SEMA6D: variants seen among roughly 807,000 people sequenced by gnomAD.
SEMA6D encodes semaphorin-6D.
SEMA6D carries 35 observed loss-of-function variants against 106.6 expected under a neutral mutation model. The ratio of observed to expected loss-of-function variants is 0.33; its 90% CI spans 0.25 to 0.44. SEMA6D has a LOEUF of 0.44. Ranked by LOEUF, SEMA6D falls within the 20% of genes least tolerant of loss-of-function variation. The pLI is 1.00. For synonymous variants in SEMA6D, 499 were observed against 487.7 expected, an observed-to-expected ratio of 1.02 and a Z score of -0.31; for missense variants, 1,185 against 1,345.9, an observed-to-expected ratio of 0.88 and a Z score of 1.87.
chr15:47,586,888 GTT>G (rs35584206), intron 3 of SEMA6D, among the ~76,000 whole-genome samples: 1 of 122,842 alleles, frequency 8.1e-6, no homozygotes, highest in Non-Finnish European at 1.6e-5. Flanking sequence ...AATTTGACAG[GTT>G]TTTTTTTTTT....
At chr15:47,309,048 TTATAATTAG>T in intron 1 of SEMA6D, among the ~76,000 whole-genome samples, 1 of 152,188 alleles carries the variant, frequency 6.6e-6, no homozygotes, top group Admixed American at 6.5e-5. Context: ...AGAGATGTGC[TTATAATTAG>T]AAAGTGCAGA....
At chr15:47,577,232 T>G (rs1456129181) in intron 3 of SEMA6D, among the ~76,000 whole-genome samples, 2 of 152,250 alleles carry the variant, frequency 1.3e-5, no homozygotes, top group Non-Finnish European at 2.9e-5. Context: ...ATATTTTGAC[T>G]TTAACAGCAA....
At chr15:47,368,238 A>G (rs1324312925) in intron 1 of SEMA6D, among the ~76,000 whole-genome samples, 1 of 152,254 alleles carries the variant, frequency 6.6e-6, no homozygotes, top group Non-Finnish European at 1.5e-5. Flanking sequence ...TCAGGGAGGC[A>G]GCTGGATGAG....
chr15:47,393,250 G>C (rs1486014536), intron 1 of SEMA6D: 1 of 152,174 alleles, frequency 6.6e-6, no homozygotes, highest in Non-Finnish European at 1.5e-5. Flanking sequence ...TGTCTACAGA[G>C]AGTTTTCTTG....
intron 1 of SEMA6D, among the ~76,000 whole-genome samples, chr15:47,216,072 A>C (rs2030565540): frequency 6.6e-6 from 1 of 152,208 alleles, no homozygotes; most frequent in Non-Finnish European, 1.5e-5. Context: ...TATGTAACTT[A>C]CAACTTTGAA....
rs1300256653 is a variant in SEMA6D at position 47,210,704 on chromosome 15, G to GCAGTGGTGCTAT, written c.-239+26291_-239+26292insGTGCTATCAGTG. On this transcript the variant is annotated intron_variant, in intron 1 of 19. Transcript: ENST00000558014. ...CTCTTGAACCTGGGAGGTGGATGTT[G>GCAGTGGTGCTAT]CAGTGAGCCGAGATAGCACCACTGC... Among the ~76,000 whole-genome samples, 22 of 144,394 alleles carry GCAGTGGTGCTAT rather than the reference G, an allele frequency of 1.5e-4. No homozygotes were observed. The Admixed American group carries it at 1.6e-3, about 11-fold the overall frequency. The allele number at this position is 144,394 out of a possible 152,430, so 94.7% of individuals were successfully genotyped here.
At chr15:47,579,672 T>G (rs1220724640) in intron 3 of SEMA6D, among the ~76,000 whole-genome samples, 1 of 152,178 alleles carries the variant, frequency 6.6e-6, no homozygotes, top group African/African-American at 2.4e-5. Flanking sequence ...ACATAGTAAT[T>G]ACATGTTCCT....
At chr15:47,683,760 A>G (rs1254017385) in intron 4 of SEMA6D, among the ~76,000 whole-genome samples, 1 of 152,230 alleles carries the variant, frequency 6.6e-6, no homozygotes. Flanking sequence ...CAGCACATGA[A>G]TGATTCCTAT....
At chr15:47,386,161 G>A (rs2039832251) in intron 1 of SEMA6D, among the ~76,000 whole-genome samples, 1 of 152,066 alleles carries the variant, frequency 6.6e-6, no homozygotes, top group Non-Finnish European at 1.5e-5. Context: ...ACATCTGGTA[G>A]AAGAGATAAA....
intron 1 of SEMA6D, among the ~76,000 whole-genome samples, chr15:47,334,797 C>T (rs1022136089): frequency 6.6e-6 from 1 of 152,116 alleles, no homozygotes; most frequent in African/African-American, 2.4e-5. Flanking sequence ...CATTCCATTA[C>T]TAAAGGTAAA....
intron 4 of SEMA6D, among the ~76,000 whole-genome samples, chr15:47,621,028 C>T (rs1359325511): frequency 6.6e-6 from 1 of 152,066 alleles, no homozygotes; most frequent in Non-Finnish European, 1.5e-5. Flanking sequence ...GTTGCATACA[C>T]AACGGGCATA....
chr15:47,615,140 C>T (rs748493506), intron 4 of SEMA6D, among the ~76,000 whole-genome samples: 4 of 151,814 alleles, frequency 2.6e-5, no homozygotes, highest in African/African-American at 2.4e-5. Flanking sequence ...ATGTATGATT[C>T]GACCAACCAC....
intron 1 of SEMA6D, among the ~76,000 whole-genome samples, chr15:47,352,191 G>A (rs1265735788): frequency 6.6e-6 from 1 of 151,960 alleles, no homozygotes; most frequent in African/African-American, 2.4e-5. Flanking sequence ...AACACAAAGT[G>A]AATAACATTA....
intron 3 of SEMA6D, among the ~76,000 whole-genome samples, chr15:47,500,298 A>T (rs2043807738): frequency 7.4e-6 from 1 of 135,002 alleles, no homozygotes; most frequent in African/African-American, 3.0e-5. Context: ...AAATGGAGCT[A>T]AATTATAAAT....
chr15:47,447,395 G>A (rs2042061451), intron 2 of SEMA6D, among the ~76,000 whole-genome samples: 2 of 152,020 alleles, frequency 1.3e-5, no homozygotes, highest in African/African-American at 2.4e-5. Context: ...GTCACCAATG[G>A]CCAATGATTT....
chr15:47,514,197 C>G (rs1368196546), intron 3 of SEMA6D, among the ~76,000 whole-genome samples: 1 of 152,124 alleles, frequency 6.6e-6, no homozygotes, highest in Non-Finnish European at 1.5e-5. Context: ...TTCAAGTCTT[C>G]CTCTATGTTT....
intron 4 of SEMA6D, among the ~76,000 whole-genome samples, chr15:47,654,703 C>T (rs565794274): frequency 8.5e-5 from 13 of 152,244 alleles, no homozygotes; most frequent in Non-Finnish European, 1.3e-4. Context: ...TAAAACTGTG[C>T]GGCTCCTCCC....
intron 1 of SEMA6D, among the ~76,000 whole-genome samples, chr15:47,268,517 A>G (rs1377459871): frequency 6.6e-6 from 1 of 152,142 alleles, no homozygotes; most frequent in Non-Finnish European, 1.5e-5. Context: ...AAATGGTAGT[A>G]GTGGGTTCAG....
chr15:47,668,427 G>A (rs1012658836), intron 4 of SEMA6D, among the ~76,000 whole-genome samples: 1 of 152,090 alleles, frequency 6.6e-6, no homozygotes, highest in Non-Finnish European at 1.5e-5. Flanking sequence ...AACATCTTGG[G>A]TATAAAGAGC....
Sources: gnomAD v4.1 joint callset for allele counts (sites outside exome capture counted in the v4.1 genomes callset) on GRCh38, gnomAD v4.1.1 for gene constraint, MANE v1.5 for transcripts, NCBI Gene and HGNC (gene_info 2026-07-23, HGNC 2026-07-21) for gene names.